The following RAD54B variants were observed in gnomAD, a reference collection of about 807,000 sequenced individuals.
The protein encoded by RAD54B is RAD54 homolog B.
Under a neutral mutation model 95.8 loss-of-function variants are expected in RAD54B, and 78 were observed. The observed-to-expected ratio is 0.81, with a 90% CI of 0.68 to 0.98. The LOEUF (loss-of-function observed/expected upper bound fraction) is 0.98, where lower values mean the gene tolerates loss of function less well. RAD54B is among the 50% of genes least tolerant of loss of function. The pLI is 0.00. For missense variants in RAD54B, 957 were observed against 1,056.6 expected, an observed-to-expected ratio of 0.91 and a Z score of 1.31; for synonymous variants, 328 against 354.9, an observed-to-expected ratio of 0.92 and a Z score of 0.85.
At chr8:94,449,733 G>T (rs1318360458) in intron 3 of RAD54B, among the ~76,000 whole-genome samples, 1 of 152,092 alleles carries the variant, frequency 6.6e-6, no homozygotes, top group Non-Finnish European at 1.5e-5. Flanking sequence ...TGATTTGGAA[G>T]GATGCATATG....
intron 3 of RAD54B, among the ~76,000 whole-genome samples, chr8:94,456,775 T>C (rs1224766196): frequency 6.6e-6 from 1 of 152,082 alleles, no homozygotes; most frequent in African/African-American, 2.4e-5. Flanking sequence ...CTCATCTCTA[T>C]GCTTTTCTAT....
At chr8:94,406,578 T>C (rs1466558982) in intron 5 of RAD54B, among the ~76,000 whole-genome samples, 3 of 152,220 alleles carry the variant, frequency 2.0e-5, no homozygotes, top group African/African-American at 7.2e-5. Flanking sequence ...TCGGTTCATC[T>C]TCCTGGGCCT....
At chr8:94,469,975 T>C (rs558060867) in intron 1 of RAD54B, among the ~76,000 whole-genome samples, 88 of 152,318 alleles carry the variant, frequency 5.8e-4, no homozygotes, top group African/African-American at 2.0e-3. Context: ...ATTACATACA[T>C]ACATCATGTT....
At chr8:94,453,427 G>A (rs1027334488) in intron 3 of RAD54B, among the ~76,000 whole-genome samples, 20 of 152,090 alleles carry the variant, frequency 1.3e-4, no homozygotes, top group Non-Finnish European at 1.9e-4. Flanking sequence ...CTACTCAGGA[G>A]GCTGAGGCAG....
intron 1 of RAD54B, among the ~76,000 whole-genome samples, chr8:94,472,093 A>G (rs1188421431): frequency 6.6e-6 from 1 of 152,122 alleles, no homozygotes; most frequent in Non-Finnish European, 1.5e-5. Flanking sequence ...TGAGTAGGAG[A>G]GATCACTCTC....
intron 3 of RAD54B, chr8:94,431,472 A>G (rs1012930269): frequency 9.5e-5 from 93 of 982,478 alleles, no homozygotes; most frequent in South Asian, 1.4e-4. Context: ...AGAATGTTTT[A>G]GTGGATATTT....
At chr8:94,456,979 T>C in intron 3 of RAD54B, among the ~76,000 whole-genome samples, 1 of 152,338 alleles carries the variant, frequency 6.6e-6, no homozygotes, top group East Asian at 1.9e-4. Context: ...AACTCCCTCT[T>C]TATTTTATCT....
intron 2 of RAD54B, among the ~76,000 whole-genome samples, chr8:94,463,092 C>A (rs541019508): frequency 2.2e-4 from 34 of 152,072 alleles, no homozygotes; most frequent in South Asian, 2.1e-4. Context: ...AGGAGAATTG[C>A]TTGAACCCAG....
intron 3 of RAD54B, chr8:94,429,327 T>C (rs1241899621): frequency 4.0e-6 from 2 of 497,052 alleles, no homozygotes; most frequent in Non-Finnish European, 5.2e-6. Context: ...TGTATATACA[T>C]AATTTTTACC....
At chr8:94,385,518 G>A (rs1810867562) in intron 11 of RAD54B, among the ~76,000 whole-genome samples, 1 of 152,174 alleles carries the variant, frequency 6.6e-6, no homozygotes, top group South Asian at 2.1e-4. Context: ...CTCCATTAGA[G>A]GTAGGTACAG....
chr8:94,415,028 T>C (rs564084297), intron 3 of RAD54B, among the ~76,000 whole-genome samples: 228 of 152,002 alleles, frequency 1.5e-3, no homozygotes, highest in Non-Finnish European at 1.3e-3. Flanking sequence ...TTAAAGTTCA[T>C]ATGGAACCAA....
At chr8:94,425,554 AAC>A (rs564776462) in intron 3 of RAD54B, among the ~76,000 whole-genome samples, 134 of 152,304 alleles carry the variant, frequency 8.8e-4, no homozygotes, top group African/African-American at 2.7e-3. Flanking sequence ...TTAAGATTGA[AAC>A]AGTTTTTATT....
chr8:94,451,149 C>CA (rs904258078), intron 3 of RAD54B, among the ~76,000 whole-genome samples: 2 of 151,972 alleles, frequency 1.3e-5, no homozygotes, highest in Non-Finnish European at 2.9e-5. Flanking sequence ...ACTTCTCCAC[C>CA]AAAAAAGAAC....
intron 3 of RAD54B, chr8:94,429,184 A>G (rs1256233849): frequency 1.2e-6 from 1 of 858,422 alleles, no homozygotes; most frequent in Non-Finnish European, 1.4e-6. Context: ...TACAGCCCCT[A>G]AATGCTAATG....
chr8:94,462,584 T>G (rs1448963517), intron 2 of RAD54B, among the ~76,000 whole-genome samples: 1 of 152,170 alleles, frequency 6.6e-6, no homozygotes, highest in Non-Finnish European at 1.5e-5. Context: ...TAAACACCAC[T>G]GAAGTCACTA....
At chr8:94,460,018 C>A (rs948246369) in intron 2 of RAD54B, among the ~76,000 whole-genome samples, 21 of 151,064 alleles carry the variant, frequency 1.4e-4, no homozygotes, top group African/African-American at 4.9e-4. Flanking sequence ...ATAAGCTGGG[C>A]GTGGTGGCGG....
At chr8:94,393,474 C>T (rs907123198) in intron 9 of RAD54B, 2 of 313,172 alleles carry the variant, frequency 6.4e-6, no homozygotes, top group African/African-American at 4.5e-5. Flanking sequence ...ACAAAAGTCA[C>T]TTTGGTTATT....
In RAD54B at chr8:94,399,529, C is replaced by A. The variant is rs773704992; in HGVS notation, c.1263G>T (p.Lys421Asn). 3.7e-6 allele frequency: 6 copies of A among 1,612,918 alleles called. No homozygotes were observed. Among genetic ancestry groups the A allele is most frequent in the Non-Finnish European group, 5.1e-6 (6 of 1,179,216 alleles). Residue 421 changes from lysine to asparagine, a missense_variant, in exon 8 of 15, where the codon AAG becomes AAT. Transcript: ENST00000336148. The part of the protein sequence containing the change: ...EMLLRSLDQI[K>N]NIKFDLLICD... ...AGATTAGAAGATCAAATTTTATATT[C>A]TTAATTTGATCCAGGGAACGAAGTA...
chr8:94,391,851 T>C lies in RAD54B; in HGVS notation c.1567A>G (p.Thr523Ala). 2 of 1,613,506 alleles carry C rather than the reference T, an allele frequency of 1.2e-6. No homozygotes were observed. Among genetic ancestry groups the C allele is most frequent in the Non-Finnish European group, 1.7e-6 (2 of 1,179,882 alleles). The change falls in exon 10 of 15, where the codon ACT (threonine) becomes GCT (alanine). Residue 523 changes from threonine (T) to alanine (A), a missense_variant. Physicochemically the swap from Thr to Ala is moderately conservative, Grantham distance 58. Transcript: ENST00000336148. ...GTTCTTCTAAGGATAAAGAGTCCAG[T>C]GAGGCAAGTAAGTTCAGCTGCTCTT... ...ERRAAELTCL[T>A]GLFILRRTQE...
Sources: allele counts gnomAD v4.1 joint callset (sites outside exome capture counted in the v4.1 genomes callset), GRCh38; gene constraint gnomAD v4.1.1; transcripts MANE v1.5; gene names NCBI Gene and HGNC (gene_info 2026-07-23, HGNC 2026-07-21).